Variants in PATL1 observed in about 807,000 individuals in gnomAD.
PATL1 encodes protein PAT1 homolog 1.
Under a neutral mutation model 100.6 loss-of-function variants are expected in PATL1, and 32 were observed. The ratio of observed to expected loss-of-function variants is 0.32; its 90% CI spans 0.24 to 0.43. PATL1 has a LOEUF of 0.43. PATL1 is among the 20% of genes least tolerant of loss of function. The probability of loss-of-function intolerance (pLI) is 1.00; values close to 1 mark genes in which losing one functional copy is unlikely to be tolerated. For missense variants in PATL1, 747 were observed against 949.9 expected (o/e 0.79, Z 2.81); for synonymous variants, 332 against 330.0 (o/e 1.01, Z -0.07).
chr11:59,657,895 G>A (rs963084997), intron 4 of PATL1, among the ~76,000 whole-genome samples, 171 bp from the exon 5 acceptor site: 1 of 151,970 alleles, frequency 6.6e-6, no homozygotes, highest in African/African-American at 2.4e-5. Context: ...TTTGGTAAGC[G>A]GCTCATGCCT....
At chr11:59,658,089 G>A (rs990819746) in intron 4 of PATL1, among the ~76,000 whole-genome samples, 1 of 151,826 alleles carries the variant, frequency 6.6e-6, no homozygotes, top group Admixed American at 6.6e-5. Context: ...ACTTGAGCCC[G>A]GAAGTTCAAG....
At chr11:59,658,723 C>T (rs1299169979) in intron 4 of PATL1, 143 bp downstream of exon 4, 4 of 623,758 alleles carry the variant, frequency 6.4e-6, no homozygotes, top group Admixed American at 6.6e-5. Flanking sequence ...TAAAGAAAGG[C>T]ATAGCTAAGT....
intron 16 of PATL1, among the ~76,000 whole-genome samples, chr11:59,642,115 G>T (rs1861290983): frequency 6.6e-6 from 1 of 152,134 alleles, no homozygotes; most frequent in Non-Finnish European, 1.5e-5. Flanking sequence ...TTATAGACCA[G>T]GAAACTGATT....
chr11:59,668,145 T>TTCTTAAG (rs1363356987), intron 1 of PATL1, among the ~76,000 whole-genome samples: 1 of 152,228 alleles, frequency 6.6e-6, no homozygotes, highest in Non-Finnish European at 1.5e-5. Flanking sequence ...AAATTAAAAA[T>TTCTTAAG]TCTTAAGGAT....
chr11:59,658,745 T>C (rs1466909860), intron 4 of PATL1, 121 bp downstream of exon 4: 4 of 700,288 alleles, frequency 5.7e-6, no homozygotes, highest in Non-Finnish European at 9.6e-6. Context: ...CTGGATGCAG[T>C]AGTCGACATA....
chr11:59,650,720 T>G (rs1193124743), intron 13 of PATL1, 34 bp downstream of exon 13: 2 of 1,464,414 alleles, frequency 1.4e-6, no homozygotes, highest in East Asian at 4.9e-5. Flanking sequence ...GTTCCGTATT[T>G]GAAACTAACT....
intron 13 of PATL1, among the ~76,000 whole-genome samples, chr11:59,650,231 T>C (rs1210448688): frequency 1.3e-5 from 2 of 152,072 alleles, no homozygotes; most frequent in Admixed American, 1.3e-4. Context: ...TTAAATAACT[T>C]GCCTTAAGTT....
Position 59,643,102 on chromosome 11 carries a change from A to T in PATL1, c.1894-67T>A. ...ACTTCAGTTACCCCCCACCAGGGGC[A>T]TGGATGGAAGGATGTTCATTTGTAT... On this transcript the variant is annotated intron_variant, in intron 15 of 18. Coordinates refer to ENST00000300146, the MANE Select transcript of PATL1 (RefSeq NM_152716.3). The T allele has an allele frequency of 4.6e-6, 7 of 1,516,524 alleles. 1 individual carries two copies. The South Asian group carries it at 8.6e-5, about 19-fold the overall frequency. The allele number at this position is 1,516,524 out of a possible 1,614,324, so 93.9% of individuals were successfully genotyped here.
At position 59,637,035 on chromosome 11, in the gene PATL1, C is replaced by CA. The variant is rs1861202031; in HGVS notation, c.*1354dup. 6.6e-6 allele frequency: 1 copy of CA among 152,532 alleles called. No homozygotes were observed. The highest frequency in any genetic ancestry group is 1.5e-5 in the Non-Finnish European group (1 of 68,028). 9.4% of individuals were successfully genotyped at this position (152,532 alleles called of 1,614,324 possible). Reference sequence around the variant, plus strand: ...TTTAACAGAGGATCTTACTGTTGTACAATACATGTATGTGCAAAATGTTTA... The same window carrying CA: ...TTTAACAGAGGATCTTACTGTTGTACAAATACATGTATGTGCAAAATGTTTA... On this transcript the variant is annotated 3_prime_UTR_variant, in exon 19 of 19. Transcript: ENST00000300146.
At position 59,667,159 on chromosome 11, in the gene PATL1, T is replaced by C. The variant is rs1246373286; in HGVS notation, c.16-195A>G. On this transcript the variant is annotated intron_variant, in intron 1 of 18. Transcript: ENST00000300146. ...TCATCATCTTTCTTTCACTTTCTAT[T>C]TCCTAATCCTTATTTCATTTAATTC... is the stretch of plus-strand genomic sequence containing the variant. 3.6e-6 allele frequency: 3 copies of C among 827,234 alleles called. No individual in the cohort carries two copies. In the Admixed American group the frequency reaches 1.9e-4, roughly 52 times the overall value. 51.2% of individuals were successfully genotyped at this position (827,234 alleles called of 1,614,324 possible). A position where few individuals can be genotyped will look rare whatever the true frequency, so the allele number is the denominator to read the frequency against.
At chr11:59,662,485 C>T (rs1463830468) in intron 2 of PATL1, among the ~76,000 whole-genome samples, 1 of 152,008 alleles carries the variant, frequency 6.6e-6, no homozygotes, top group Non-Finnish European at 1.5e-5. Context: ...GAAAAATCCA[C>T]TTTAAATGAA....
chr11:59,638,569 G>A (rs1295377282), intron 18 of PATL1, among the ~76,000 whole-genome samples, 158 bp from the exon 19 acceptor site: 1 of 152,158 alleles, frequency 6.6e-6, no homozygotes, highest in Non-Finnish European at 1.5e-5. Flanking sequence ...TGAAGGCCCT[G>A]TTGTACCCAG....
chr11:59,656,000 C>G lies in PATL1; in HGVS notation c.769G>C (p.Val257Leu), dbSNP rs777289577. The G allele has an allele frequency of 4.4e-5, 68 of 1,549,384 alleles. No homozygotes were observed. The highest frequency in any genetic ancestry group is 5.4e-5 in the Non-Finnish European group (63 of 1,157,092). The change falls in exon 7 of 19, where the codon GTT becomes CTT. Residue 257 changes from valine to leucine, a missense_variant. Val to Leu is a conservative substitution (Grantham distance 32). Around this residue, in one of 4 missense-constraint regions of PATL1, gnomAD observed 127 missense variants for 116.0 expected, o/e 1.09. Coordinates refer to ENST00000300146, the MANE Select transcript of PATL1 (RefSeq NM_152716.3). ...TGTGCTCTCTGGAGGGGGCTGAGAA[C>G]AGGAGGAACACTAGGAGGAAAAGGG... ...GHPFPPSVPP[V>L]LSPLQRAQLL...
intron 13 of PATL1, among the ~76,000 whole-genome samples, chr11:59,650,127 GAAAAAAAAAAAA>G (rs755879524): frequency 3.2e-5 from 2 of 61,636 alleles, no homozygotes; most frequent in African/African-American, 1.2e-4. Context: ...ATCTCAAAAG[GAAAAAAAAAAAA>G]AAAAAAAAGC....
At chr11:59,653,077 C>T in intron 9 of PATL1, 59 bp from the exon 10 acceptor site, 3 of 1,408,214 alleles carry the variant, frequency 2.1e-6, no homozygotes, top group Non-Finnish European at 1.9e-6. Flanking sequence ...TTTTTAACAA[C>T]AGAGGAATAA....
intron 12 of PATL1, 33 bp downstream of exon 12, chr11:59,651,511 C>T (rs377755660): frequency 1.4e-4 from 209 of 1,519,140 alleles, no homozygotes; most frequent in Admixed American, 3.3e-4. Context: ...ACAAATCAGA[C>T]GTTCTTAAAC....
chr11:59,640,651 C>T (rs1337891505), intron 16 of PATL1, among the ~76,000 whole-genome samples: 5 of 151,410 alleles, frequency 3.3e-5, no homozygotes, highest in African/African-American at 4.9e-5. Flanking sequence ...ACCCAGGAGG[C>T]GGAGCTTGCA....
chr11:59,654,174 G>C, intron 8 of PATL1, 102 bp from the exon 9 acceptor site: 1 of 1,040,694 alleles, frequency 9.6e-7, no homozygotes, highest in East Asian at 2.4e-5. Context: ...GTTAACTTAA[G>C]GGACTACAAA....
In PATL1 at chr11:59,650,782, C is replaced by T; in HGVS notation, c.1556G>A (p.Arg519Lys). 1 of 1,557,616 alleles carries T rather than the reference C, an allele frequency of 6.4e-7. No individual in the cohort carries two copies. Among genetic ancestry groups the T allele is most frequent in the Non-Finnish European group, 8.7e-7 (1 of 1,149,190 alleles). The part of the protein sequence containing the change: ...ETKEKQVRDK[R>K]RKTLVIIEKT... ...CTCAATTATAACAAGGGTTTTTCTC[C>T]TCTTGTCTCGAACTTGTTTTTCTTT... Residue 519 changes from arginine to lysine, a missense_variant, in exon 13 of 19, where the codon AGG (arginine) becomes AAG (lysine). Physicochemically the swap from Arg to Lys is conservative, Grantham distance 26. This residue lies in a region of PATL1 where 434 missense variants were observed against 596.1 expected (regional missense o/e 0.73). Transcript: ENST00000300146.
Sources: allele counts gnomAD v4.1 joint callset (sites outside exome capture counted in the v4.1 genomes callset), GRCh38; gene constraint gnomAD v4.1.1; regional missense constraint gnomAD v4.1.1; transcripts MANE v1.5; gene names NCBI Gene and HGNC (gene_info 2026-07-23, HGNC 2026-07-21).